PMS2: variants seen among roughly 807,000 people sequenced by gnomAD.
The protein encoded by PMS2 is mismatch repair endonuclease PMS2.
Under a neutral mutation model 90.0 loss-of-function variants are expected in PMS2, and 69 were observed. The observed-to-expected ratio is 0.77, with a 90% confidence interval of 0.63 to 0.94. The LOEUF is 0.94. PMS2 is among the 40% of genes least tolerant of loss of function. PMS2 has a pLI of 0.00. For synonymous variants in PMS2, 332 were observed against 375.1 expected (o/e 0.89, Z 1.33); for missense variants, 966 against 1,040.2 (o/e 0.93, Z 0.98).
At chr7:5,978,348 G>A (rs1198162151) in intron 13 of PMS2, among the ~76,000 whole-genome samples, 3 of 146,458 alleles carry the variant, frequency 2.0e-5, no homozygotes, top group Non-Finnish European at 3.0e-5. Context: ...TCGGCTCACT[G>A]CAACCTCCAC....
chr7:5,997,415 G>T lies in PMS2; in HGVS notation c.714C>A (p.Ser238Arg), dbSNP rs151251082. ...GSVFGQKQLQ[S>R]LIPFVQLPPS... ...GGGGCAGCTGAACAAAAGGAATGAG[G>T]CTTTGCAACTGAAAAAAAAAAAAAA... Residue 238 changes from serine to arginine, a missense_variant, in exon 7 of 15, where the codon AGC becomes AGA. Physicochemically the swap from Ser to Arg is moderately radical, Grantham distance 110. Around this residue, in one of 2 missense-constraint regions of PMS2, gnomAD observed 871 missense variants for 802.4 expected, o/e 1.09. Coordinates refer to ENST00000265849, the MANE Select transcript of PMS2 (RefSeq NM_000535.7). The T allele has an allele frequency of 1.9e-5, 30 of 1,553,640 alleles. No homozygotes were observed. In the African/African-American group the frequency reaches 3.5e-4, roughly 18 times the overall value.
At chr7:5,983,688 G>GTT (rs1782554569) in intron 11 of PMS2, among the ~76,000 whole-genome samples, 1 of 149,298 alleles carries the variant, frequency 6.7e-6, no homozygotes, top group Non-Finnish European at 1.5e-5. Context: ...CTCACTCTCT[G>GTT]TTGCCCAGGC....
intron 2 of PMS2, 145 bp downstream of exon 2, chr7:6,005,747 C>G (rs1453757138): frequency 4.2e-6 from 5 of 1,195,382 alleles, no homozygotes. Flanking sequence ...AAGTACTAGG[C>G]ACATAATAGG....
chr7:6,002,653 G>C lies in PMS2; in HGVS notation c.354-17C>G. 3 of 1,601,662 alleles carry C rather than the reference G, an allele frequency of 1.9e-6. No individual in the cohort carries two copies. The highest frequency in any genetic ancestry group is 2.6e-6 in the Non-Finnish European group (3 of 1,170,436). ...GTGACATCGCTGTGAGAGAATACCA[G>C]GCATGGTGTGTTCAGTGAGAGACCC... On this transcript the variant is annotated splice_polypyrimidine_tract_variant and intron_variant, in intron 4 of 14. Transcript: ENST00000265849.
intron 14 of PMS2, among the ~76,000 whole-genome samples, chr7:5,976,092 A>T (rs1781840883): frequency 7.0e-6 from 1 of 143,704 alleles, no homozygotes; most frequent in African/African-American, 2.5e-5. Context: ...TATAAAAATT[A>T]GCCAGGTGTG....
At chr7:5,989,152 A>C (rs1783436943) in intron 10 of PMS2, among the ~76,000 whole-genome samples, 1 of 152,118 alleles carries the variant, frequency 6.6e-6, no homozygotes, top group African/African-American at 2.4e-5. Context: ...GCCTGGCCTA[A>C]ATTCTACTGT....
At position 5,997,501 on chromosome 7, in the gene PMS2, A is replaced by G. The variant is rs560207029; in HGVS notation, c.706-78T>C. ...ACTTAATCTGTTTTCTTTCTTAGTC[A>G]AGCTATTGACATTACAAGCGCAAAA... On this transcript the variant is annotated intron_variant, in intron 6 of 14. Coordinates refer to ENST00000265849, the MANE Select transcript of PMS2 (RefSeq NM_000535.7). 13 of 863,644 alleles carry G rather than the reference A, an allele frequency of 1.5e-5. No individual in the cohort carries two copies. In the South Asian group the frequency reaches 2.0e-4, roughly 13 times the overall value. The allele number at this position is 863,644 out of a possible 1,614,324, so 53.5% of individuals were successfully genotyped here.
chr7:5,988,935 A>C (rs953057790), intron 10 of PMS2, among the ~76,000 whole-genome samples: 40 of 152,168 alleles, frequency 2.6e-4, no homozygotes, highest in African/African-American at 9.4e-4. Flanking sequence ...GGCTCACTGC[A>C]AGCCCCTCCT....
chr7:5,985,423 A>G (rs1487529748), intron 11 of PMS2, among the ~76,000 whole-genome samples: 1 of 151,862 alleles, frequency 6.6e-6, no homozygotes, highest in Admixed American at 6.6e-5. Flanking sequence ...GGAAAAATGT[A>G]TAATAAGGCA....
chr7:6,003,487 A>G (rs1785338606), intron 4 of PMS2: 1 of 579,776 alleles, frequency 1.7e-6, no homozygotes, highest in Non-Finnish European at 3.0e-6. Context: ...CCATCTTTTT[A>G]ACAATACTAT....
At chr7:5,999,356 G>T in intron 5 of PMS2, 81 bp from the exon 6 acceptor site, 2 of 1,246,006 alleles carry the variant, frequency 1.6e-6, no homozygotes, top group Non-Finnish European at 1.2e-6. Flanking sequence ...AACATCCAAC[G>T]CAAGGTTCTC....
chr7:5,996,586 A>AT (rs1784418843), intron 7 of PMS2, among the ~76,000 whole-genome samples: 2 of 93,530 alleles, frequency 2.1e-5, no homozygotes, highest in Non-Finnish European at 3.8e-5. Flanking sequence ...CTAAAAAAAA[A>AT]AAAAATATAT....
chr7:5,983,861 A>G (rs1434817804), intron 11 of PMS2, among the ~76,000 whole-genome samples: 1 of 151,618 alleles, frequency 6.6e-6, no homozygotes, highest in Non-Finnish European at 1.5e-5. Flanking sequence ...CATGTTGGCT[A>G]GGCTGGTCTT....
At chr7:5,989,730 A>T (rs1783500612) in intron 10 of PMS2, 70 bp downstream of exon 10, 1 of 1,219,408 alleles carries the variant, frequency 8.2e-7, no homozygotes, top group Non-Finnish European at 1.2e-6. Context: ...AAAAAAGTTT[A>T]CTTGGAAAAA....
intron 8 of PMS2, among the ~76,000 whole-genome samples, chr7:5,994,809 T>C (rs1003238533): frequency 5.3e-5 from 8 of 151,884 alleles, no homozygotes; most frequent in Admixed American, 1.3e-4. Context: ...AAATACTGTA[T>C]GTCAAAAATG....
At position 5,977,916 on chromosome 7, in the gene PMS2, C is replaced by G. The variant is rs769363463; in HGVS notation, c.2276-159G>C. Among the ~76,000 whole-genome samples, 27 of 150,778 alleles carry G rather than the reference C, an allele frequency of 1.8e-4. 2 individuals are homozygous for G. Among genetic ancestry groups the G allele is most frequent in the Non-Finnish European group, 2.1e-4 (14 of 67,536 alleles). On this transcript the variant is annotated intron_variant, in intron 13 of 14. Transcript: ENST00000265849. Reference sequence around the variant, plus strand: ...CAGCGGATCATGAGGTCAGGAGATACAGACCATCCTGGCTAACATGGTGAA... The same window carrying G: ...CAGCGGATCATGAGGTCAGGAGATAGAGACCATCCTGGCTAACATGGTGAA...
intron 1 of PMS2, 81 bp from the exon 2 acceptor site, chr7:6,006,112 A>C: frequency 6.9e-7 from 1 of 1,448,660 alleles, no homozygotes; most frequent in Non-Finnish European, 9.7e-7. Flanking sequence ...GAAATGACTC[A>C]ACACTGTAAA....
In PMS2 at chr7:5,989,781, T is replaced by C; in HGVS notation, c.1144+19A>G. On this transcript the variant is annotated intron_variant, in intron 10 of 14. Coordinates refer to ENST00000265849, the MANE Select transcript of PMS2 (RefSeq NM_000535.7). ...AGCTAAAAGCTTTAGAAGCTGTTTG[T>C]ACACTGTATTTTTCTTACCTTCAAC... The C allele has an allele frequency of 5.0e-6, 8 of 1,600,722 alleles. No individual in the cohort carries two copies. The highest frequency in any genetic ancestry group is 6.8e-6 in the Non-Finnish European group (8 of 1,168,674).
chr7:6,008,075 T>G lies in PMS2; in HGVS notation c.23+922A>C, dbSNP rs1786059755. ...GATTTCACCATGTTGGCCAGGCTGGTCATGAACTCCTGACTTCATGATCCA... is the reference window on the plus strand; with the variant it reads ...GATTTCACCATGTTGGCCAGGCTGGGCATGAACTCCTGACTTCATGATCCA... On this transcript the variant is annotated intron_variant, in intron 1 of 14. Coordinates refer to ENST00000265849, the MANE Select transcript of PMS2 (RefSeq NM_000535.7). 6.6e-5 allele frequency among the ~76,000 whole-genome samples: 10 copies of G among 152,200 alleles called. No homozygotes were observed. In the South Asian group the frequency reaches 1.9e-3, roughly 28 times the overall value.
Sources: gnomAD v4.1 joint callset for allele counts (sites outside exome capture counted in the v4.1 genomes callset) on GRCh38, gnomAD v4.1.1 for gene constraint, gnomAD v4.1.1 regional missense constraint, MANE v1.5 for transcripts, NCBI Gene and HGNC (gene_info 2026-07-23, HGNC 2026-07-21) for gene names.